MTHFD1L: variants seen among roughly 807,000 people sequenced by gnomAD.
The protein encoded by MTHFD1L is monofunctional C1-tetrahydrofolate synthase, mitochondrial.
Under a neutral mutation model 119.5 loss-of-function variants are expected in MTHFD1L, and 81 were observed. The ratio of observed to expected loss-of-function variants is 0.68; its 90% confidence interval spans 0.57 to 0.82. The LOEUF is 0.82. Among genes scored for constraint, MTHFD1L ranks in the 40% least tolerant of loss-of-function variants. MTHFD1L has a pLI of 0.00. For synonymous variants in MTHFD1L, 430 were observed against 475.2 expected, an observed-to-expected ratio of 0.90 and a Z score of 1.24; for missense variants, 1,125 against 1,253.4, an observed-to-expected ratio of 0.90 and a Z score of 1.55.
intron 26 of MTHFD1L, among the ~76,000 whole-genome samples, chr6:151,078,163 G>A (rs1792770102): frequency 6.6e-6 from 1 of 151,202 alleles, no homozygotes; most frequent in African/African-American, 2.4e-5. Context: ...TCTACCCCTA[G>A]CGCCCTTTTT....
chr6:150,933,912 C>T (rs1264087404), intron 11 of MTHFD1L, among the ~76,000 whole-genome samples: 1 of 152,236 alleles, frequency 6.6e-6, no homozygotes, highest in African/African-American at 2.4e-5. Context: ...CCACTGCACA[C>T]AGCCGGGTTC....
chr6:150,954,894 C>A (rs1476291751), intron 16 of MTHFD1L, among the ~76,000 whole-genome samples: 1 of 151,992 alleles, frequency 6.6e-6, no homozygotes, highest in Non-Finnish European at 1.5e-5. Flanking sequence ...GTGTGTGCCA[C>A]CACACCCAGC....
intron 27 of MTHFD1L, among the ~76,000 whole-genome samples, chr6:151,093,549 C>T (rs868126095): frequency 6.6e-6 from 1 of 151,970 alleles, no homozygotes; most frequent in Non-Finnish European, 1.5e-5. Context: ...CCCAGCTACT[C>T]GGGAGGCTGA....
intron 11 of MTHFD1L, among the ~76,000 whole-genome samples, chr6:150,932,963 T>C (rs1347177353): frequency 1.3e-5 from 2 of 152,062 alleles, no homozygotes; most frequent in African/African-American, 4.8e-5. Flanking sequence ...CCGTTGATGA[T>C]TTGGAATCTG....
intron 26 of MTHFD1L, among the ~76,000 whole-genome samples, chr6:151,064,769 T>G (rs1447900941): frequency 6.6e-6 from 1 of 151,554 alleles, no homozygotes; most frequent in Non-Finnish European, 1.5e-5. Flanking sequence ...AATCTTAAAA[T>G]GTGTTACTAT....
intron 26 of MTHFD1L, among the ~76,000 whole-genome samples, chr6:151,069,320 A>C (rs1163913258): frequency 2.1e-5 from 3 of 146,104 alleles, no homozygotes; most frequent in African/African-American, 7.7e-5. Context: ...CTAATCCTCC[A>C]GGTTGTACAG....
At chr6:150,992,697 C>T (rs566379143) in intron 20 of MTHFD1L, among the ~76,000 whole-genome samples, 1 of 152,246 alleles carries the variant, frequency 6.6e-6, no homozygotes, top group South Asian at 2.1e-4. Flanking sequence ...TTTAGTGGGC[C>T]AGGGGCCTTA....
In MTHFD1L at chr6:151,017,055, G is replaced by A. The variant is rs141355577; in HGVS notation, c.2586+1362G>A. 4.3e-3 allele frequency among the ~76,000 whole-genome samples: 654 copies of A among 150,628 alleles called. 5 individuals are homozygous for A. The highest frequency in any genetic ancestry group is 6.5e-3 in the Non-Finnish European group (436 of 67,530). ...CTCCCAGAGTGCTAGGGTTGCAGGCGTGAGCCACCACACCTGGCCCATCTT... is the reference window on the plus strand; with the variant it reads ...CTCCCAGAGTGCTAGGGTTGCAGGCATGAGCCACCACACCTGGCCCATCTT... On this transcript the variant is annotated intron_variant, in intron 24 of 27. Coordinates refer to ENST00000367321, the MANE Select transcript of MTHFD1L (RefSeq NM_015440.5).
At chr6:150,896,919 A>T (rs1784323941) in intron 7 of MTHFD1L, among the ~76,000 whole-genome samples, 1 of 151,592 alleles carries the variant, frequency 6.6e-6, no homozygotes, top group Non-Finnish European at 1.5e-5. Flanking sequence ...CATCCTGGCT[A>T]ACACGGTGAA....
At chr6:151,093,195 G>T (rs1794603265) in intron 27 of MTHFD1L, among the ~76,000 whole-genome samples, 1 of 152,106 alleles carries the variant, frequency 6.6e-6, no homozygotes, top group African/African-American at 2.4e-5. Context: ...ATCCAGTGGT[G>T]GCTGTCACTC....
At chr6:150,962,252 T>C (rs1796555429) in intron 18 of MTHFD1L, among the ~76,000 whole-genome samples, 1 of 152,164 alleles carries the variant, frequency 6.6e-6, no homozygotes, top group Non-Finnish European at 1.5e-5. Context: ...CCCAAAGTGC[T>C]GGGATTGCAG....
At chr6:150,868,241 AG>A (rs1778768960) in intron 1 of MTHFD1L, among the ~76,000 whole-genome samples, 2 of 152,184 alleles carry the variant, frequency 1.3e-5, no homozygotes, top group Admixed American at 6.5e-5. Context: ...ACTTACCTCA[AG>A]GGGTTATGGA....
intron 8 of MTHFD1L, among the ~76,000 whole-genome samples, chr6:150,910,338 C>A (rs1422116263): frequency 6.6e-6 from 1 of 151,272 alleles, no homozygotes; most frequent in African/African-American, 2.4e-5. Context: ...CTGAGGCAGG[C>A]GGATCACCTG....
chr6:151,043,852 G>T (rs1270820748), intron 26 of MTHFD1L, among the ~76,000 whole-genome samples: 6 of 152,278 alleles, frequency 3.9e-5, no homozygotes, highest in Non-Finnish European at 7.4e-5. Flanking sequence ...TTTGAGGGTT[G>T]AGTGGGAAGC....
At chr6:151,086,500 G>A (rs1442933866) in intron 26 of MTHFD1L, among the ~76,000 whole-genome samples, 1 of 152,008 alleles carries the variant, frequency 6.6e-6, no homozygotes, top group Non-Finnish European at 1.5e-5. Context: ...TTTTGTAATT[G>A]TCCTCCATCT....
At chr6:150,966,327 C>T (rs560862104) in intron 19 of MTHFD1L, among the ~76,000 whole-genome samples, 15 of 151,968 alleles carry the variant, frequency 9.9e-5, no homozygotes, top group East Asian at 3.9e-4. Context: ...AGAGAGAGGG[C>T]GAAGGAGGAA....
chr6:151,063,614 T>G (rs949986899), intron 26 of MTHFD1L, among the ~76,000 whole-genome samples: 7 of 152,256 alleles, frequency 4.6e-5, no homozygotes, highest in Non-Finnish European at 7.3e-5. Flanking sequence ...TTCAAAATTT[T>G]ATGCTATTAG....
intron 24 of MTHFD1L, among the ~76,000 whole-genome samples, chr6:151,017,830 CTTTTTTTTTTTT>C (rs895364993): frequency 8.1e-5 from 8 of 99,012 alleles, no homozygotes; most frequent in Non-Finnish European, 1.2e-4. Flanking sequence ...ACCGTGTTTT[CTTTTTTTTTTTT>C]TTTTTTTTTT....
At chr6:151,052,411 G>A (rs1378172717) in intron 26 of MTHFD1L, among the ~76,000 whole-genome samples, 1 of 152,178 alleles carries the variant, frequency 6.6e-6, no homozygotes, top group African/African-American at 2.4e-5. Flanking sequence ...TTGGCAGGAG[G>A]CAGACAAGCT....
Sources: gnomAD v4.1 joint callset for allele counts (sites outside exome capture counted in the v4.1 genomes callset) on GRCh38, gnomAD v4.1.1 for gene constraint, MANE v1.5 for transcripts, NCBI Gene and HGNC (gene_info 2026-07-23, HGNC 2026-07-21) for gene names.